Variants in SPATS2 observed in about 807,000 individuals in gnomAD.
SPATS2 encodes spermatogenesis associated serine rich 2.
In SPATS2, 38 loss-of-function variants were observed where a neutral mutation model predicts 63.7. The observed-to-expected ratio is 0.60, with a 90% CI of 0.46 to 0.78. The LOEUF (loss-of-function observed/expected upper bound fraction) is 0.78. Among genes scored for constraint, SPATS2 ranks in the 30% least tolerant of loss-of-function variants. The pLI is 0.00. For synonymous variants in SPATS2, 207 were observed against 232.9 expected, an observed-to-expected ratio of 0.89 and a Z score of 1.01; for missense variants, 588 against 666.2, an observed-to-expected ratio of 0.88 and a Z score of 1.29.
At chr12:49,524,579 G>C in intron 12 of SPATS2, 103 bp from the exon 13 acceptor site, 1 of 1,237,756 alleles carries the variant, frequency 8.1e-7, no homozygotes, top group East Asian at 2.3e-5. Flanking sequence ...CGAATAGACA[G>C]TTCTTTATCT....
intron 2 of SPATS2, among the ~76,000 whole-genome samples, chr12:49,388,172 T>C (rs1174489216): frequency 6.6e-6 from 1 of 152,202 alleles, no homozygotes; most frequent in African/African-American, 2.4e-5. Flanking sequence ...AGCACATTTT[T>C]TTAAACCATC....
intron 2 of SPATS2, among the ~76,000 whole-genome samples, chr12:49,450,448 G>A (rs1177287891): frequency 2.0e-5 from 3 of 152,004 alleles, no homozygotes; most frequent in African/African-American, 7.2e-5. Flanking sequence ...GTTTCACTGT[G>A]TTAGCCAGGA....
At chr12:49,461,627 T>G (rs1028379470) in intron 3 of SPATS2, among the ~76,000 whole-genome samples, 1 of 152,218 alleles carries the variant, frequency 6.6e-6, no homozygotes, top group Non-Finnish European at 1.5e-5. Context: ...AATATATTGA[T>G]TAAAAGAATG....
chr12:49,474,214 C>T (rs1177792566), intron 3 of SPATS2, among the ~76,000 whole-genome samples: 1 of 152,216 alleles, frequency 6.6e-6, no homozygotes, highest in Non-Finnish European at 1.5e-5. Context: ...CTTATCTTCA[C>T]AAGTTTAACA....
chr12:49,381,066 TG>T (rs1332960883), intron 2 of SPATS2, among the ~76,000 whole-genome samples: 15 of 152,240 alleles, frequency 9.9e-5, no homozygotes, highest in African/African-American at 2.9e-4. Flanking sequence ...TTGTTGTTGT[TG>T]TTGTTTTTAA....
intron 2 of SPATS2, chr12:49,389,598 C>T (rs1031789762): frequency 9.1e-7 from 1 of 1,094,706 alleles, no homozygotes; most frequent in South Asian, 1.2e-5. Flanking sequence ...GCAGCAGAAA[C>T]TCTGATTGAG....
chr12:49,474,492 A>T (rs1946087486), intron 3 of SPATS2, among the ~76,000 whole-genome samples: 1 of 152,224 alleles, frequency 6.6e-6, no homozygotes, highest in Admixed American at 6.5e-5. Context: ...ATGGGTGGAG[A>T]GGGAAAGCAT....
intron 3 of SPATS2, among the ~76,000 whole-genome samples, chr12:49,466,319 C>T (rs972866650): frequency 2.0e-5 from 3 of 151,904 alleles, no homozygotes; most frequent in Non-Finnish European, 4.4e-5. Context: ...CCCACCACCA[C>T]GCCCGGCTAA....
At chr12:49,452,751 CTTTA>C (rs1945645729) in intron 2 of SPATS2, among the ~76,000 whole-genome samples, 1 of 151,558 alleles carries the variant, frequency 6.6e-6, no homozygotes, top group South Asian at 2.1e-4. Flanking sequence ...TCATGGTTCT[CTTTA>C]TTTTTTATTT....
At chr12:49,397,198 C>T (rs1380446893) in intron 2 of SPATS2, among the ~76,000 whole-genome samples, 1 of 152,158 alleles carries the variant, frequency 6.6e-6, no homozygotes, top group Non-Finnish European at 1.5e-5. Context: ...TGAGAGAAGT[C>T]TTTGCTGACT....
chr12:49,492,205 T>TTTTTTTC (rs1335657640), intron 6 of SPATS2, among the ~76,000 whole-genome samples: 1 of 151,894 alleles, frequency 6.6e-6, no homozygotes, highest in African/African-American at 2.4e-5. Context: ...ACCAGTTTCT[T>TTTTTTTC]TTTTTTCTTT....
intron 2 of SPATS2, among the ~76,000 whole-genome samples, chr12:49,457,319 GT>G (rs1945736473): frequency 6.6e-6 from 1 of 151,988 alleles, no homozygotes; most frequent in Non-Finnish European, 1.5e-5. Context: ...GGATAGCTCT[GT>G]TTGCAGCTAC....
In SPATS2 at chr12:49,526,137, C is replaced by G. The variant is rs917955530; in HGVS notation, c.1520C>G (p.Ser507Cys). 4 of 1,614,088 alleles carry G rather than the reference C, an allele frequency of 2.5e-6. No homozygotes were observed. The East Asian group carries it at 6.7e-5, about 27-fold the overall frequency. The change falls in exon 14 of 14, where the codon TCT becomes TGT. Residue 507 changes from serine to cysteine, a missense_variant. Physicochemically the swap from Ser to Cys is moderately radical, Grantham distance 112. Coordinates refer to ENST00000552918, the MANE Select transcript of SPATS2 (RefSeq NM_023071.4). The part of the protein sequence containing the change: ...GNTIERGQTH[S>C]AGTNGTGVSM... The stretch of plus-strand genomic sequence containing the variant: ...ACCATTGAAAGAGGCCAGACTCACT[C>G]TGCAGGGACCAATGGAACTGGAGTC...
intron 2 of SPATS2, among the ~76,000 whole-genome samples, chr12:49,391,693 T>C (rs1944421988): frequency 6.6e-6 from 1 of 152,180 alleles, no homozygotes; most frequent in Non-Finnish European, 1.5e-5. Flanking sequence ...CTCATTTATA[T>C]TGAAGGCATA....
intron 2 of SPATS2, among the ~76,000 whole-genome samples, chr12:49,417,344 GCTTT>G (rs1439850999): frequency 1.3e-5 from 2 of 152,236 alleles, no homozygotes; most frequent in African/African-American, 4.8e-5. Context: ...AGTTTAGCTA[GCTTT>G]CTTAATTCTT....
At chr12:49,450,055 A>G (rs1433910010) in intron 2 of SPATS2, among the ~76,000 whole-genome samples, 1 of 152,026 alleles carries the variant, frequency 6.6e-6, no homozygotes, top group African/African-American at 2.4e-5. Context: ...TCTGTCTCTA[A>G]TAATACCATT....
At chr12:49,373,811 G>T (rs1459311039) in intron 2 of SPATS2, among the ~76,000 whole-genome samples, 1 of 152,138 alleles carries the variant, frequency 6.6e-6, no homozygotes, top group East Asian at 1.9e-4. Context: ...TGTAGTCGCA[G>T]CTACTCGGGA....
chr12:49,466,312 A>G (rs1212023607), intron 3 of SPATS2, among the ~76,000 whole-genome samples: 3 of 151,730 alleles, frequency 2.0e-5, no homozygotes, highest in Non-Finnish European at 4.4e-5. Flanking sequence ...ACAGGCGCCC[A>G]CCACCACGCC....
rs188923961 is a variant in SPATS2, at chr12:49,414,780, G to A, written c.-244+43490G>A. The stretch of plus-strand genomic sequence containing the variant: ...TGCCTGGCTAATTTTTAAATTTTTG[G>A]TAGAGACAGAGTCTCACTATGTTGC... On this transcript the variant is annotated intron_variant, in intron 2 of 13. Transcript: ENST00000552918. 2.8e-4 allele frequency among the ~76,000 whole-genome samples: 43 copies of A among 151,928 alleles called. No individual in the cohort carries two copies. In the East Asian group the frequency reaches 7.0e-3, roughly 25 times the overall value.
Sources: gnomAD v4.1 joint callset for allele counts (sites outside exome capture counted in the v4.1 genomes callset) on GRCh38, gnomAD v4.1.1 for gene constraint, MANE v1.5 for transcripts, NCBI Gene and HGNC (gene_info 2026-07-23, HGNC 2026-07-21) for gene names.